The following S100Z variants were observed in gnomAD, a reference collection of about 807,000 sequenced individuals.
S100Z encodes the protein protein S100-Z.
S100Z carries 11 observed loss-of-function variants against 8.5 expected under a neutral mutation model. The ratio of observed to expected loss-of-function variants is 1.30; its 90% CI spans 0.82 to 2.15. The LOEUF (loss-of-function observed/expected upper bound fraction) is 2.15. Ranked by LOEUF, S100Z falls within the 30% of genes most tolerant of loss-of-function variation. The probability of loss-of-function intolerance (pLI) is 0.00; values close to 1 mark genes in which losing one functional copy is unlikely to be tolerated. For missense variants in S100Z, 126 were observed against 117.9 expected (o/e 1.07, Z -0.32); for synonymous variants, 34 against 43.8 (o/e 0.78, Z 0.89).
chr5:76,915,304 C>CAAA (rs60682268), intron 4 of S100Z, among the ~76,000 whole-genome samples: 1,092 of 103,560 alleles, frequency 0.011, 39 homozygotes, highest in African/African-American at 0.04. Flanking sequence ...GACTCCATCT[C>CAAA]AAAAAAAAAA....
At chr5:76,883,580 G>C (rs1743489724) in intron 4 of S100Z, among the ~76,000 whole-genome samples, 1 of 152,214 alleles carries the variant, frequency 6.6e-6, no homozygotes, top group Non-Finnish European at 1.5e-5. Flanking sequence ...ACCCTCCACT[G>C]TAAGAGTTAC....
chr5:76,859,854 A>G (rs1751004902), intron 1 of S100Z, among the ~76,000 whole-genome samples: 1 of 151,980 alleles, frequency 6.6e-6, no homozygotes. Context: ...CCATCTGTCT[A>G]GAATGATGCA....
intron 4 of S100Z, among the ~76,000 whole-genome samples, chr5:76,888,632 T>C (rs1009170442): frequency 6.6e-6 from 1 of 152,028 alleles, no homozygotes; most frequent in Non-Finnish European, 1.5e-5. Context: ...CATCTCGGCC[T>C]CCCAAAGTGC....
the S100Z span, among the ~76,000 whole-genome samples, chr5:76,930,349 C>A: frequency 5.6e-3 from 848 of 152,274 alleles, 4 homozygotes; most frequent in African/African-American, 0.019. Flanking sequence ...ATTGCACATC[C>A]AAATTGTACC....
chr5:76,862,480 T>A (rs767417052), intron 1 of S100Z, among the ~76,000 whole-genome samples: 31 of 152,040 alleles, frequency 2.0e-4, no homozygotes, highest in Non-Finnish European at 4.3e-4. Context: ...CTAGGAGTGT[T>A]ACAGAATTCT....
the S100Z span, among the ~76,000 whole-genome samples, chr5:76,933,901 C>G: frequency 6.6e-6 from 1 of 151,574 alleles, no homozygotes; most frequent in Non-Finnish European, 1.5e-5. Context: ...CCTTCTTCCC[C>G]CAACCACCTG....
intron 1 of S100Z, among the ~76,000 whole-genome samples, chr5:76,853,984 C>T (rs1750805763): frequency 6.6e-6 from 1 of 152,032 alleles, no homozygotes; most frequent in Admixed American, 6.6e-5. Context: ...CTTCCTCCTG[C>T]TCTGGCCATG....
intron 1 of S100Z, among the ~76,000 whole-genome samples, chr5:76,864,979 TTC>T (rs1241273384): frequency 6.6e-6 from 1 of 152,216 alleles, no homozygotes; most frequent in East Asian, 1.9e-4. Flanking sequence ...AGTGCTGGGA[TTC>T]CAGGCATGAG....
chr5:76,886,970 T>TG (rs1481850477), intron 4 of S100Z, among the ~76,000 whole-genome samples: 3 of 152,164 alleles, frequency 2.0e-5, no homozygotes, highest in Non-Finnish European at 2.9e-5. Context: ...GATGTATACG[T>TG]GCAGGTCACA....
intron 1 of S100Z, among the ~76,000 whole-genome samples, chr5:76,854,028 A>G (rs1750807156): frequency 6.6e-6 from 1 of 152,138 alleles, no homozygotes; most frequent in Non-Finnish European, 1.5e-5. Flanking sequence ...GCCTTCTGCC[A>G]TGATCGAAAG....
rs191931582 is a variant in S100Z at position 76,886,276 on chromosome 5, G to C, written c.*2+8442G>C. On this transcript the variant is annotated intron_variant, in intron 4 of 4. Coordinates refer to ENST00000317593, the MANE Select transcript of S100Z (RefSeq NM_130772.4). ...CTTCCCGAGTCTGTGACCTGCGCCG[G>C]AGTTTTGGGTCCACGGATAAAATGT... is the stretch of plus-strand genomic sequence containing the variant. 4.9e-3 allele frequency among the ~76,000 whole-genome samples: 746 copies of C among 152,328 alleles called. 2 individuals are homozygous for C. Among genetic ancestry groups the C allele is most frequent in the Middle Eastern group, 0.01 (3 of 294 alleles).
chr5:76,952,195 TA>T, the S100Z span, among the ~76,000 whole-genome samples: 2 of 152,210 alleles, frequency 1.3e-5, no homozygotes, highest in Non-Finnish European at 2.9e-5. Flanking sequence ...GGTGAGCAGT[TA>T]CAATAAAGCT....
At chr5:76,951,302 T>TGCATGCGTGCATGTGTGTGTGC in the S100Z span, among the ~76,000 whole-genome samples, 1 of 152,228 alleles carries the variant, frequency 6.6e-6, no homozygotes, top group African/African-American at 2.4e-5. Flanking sequence ...TCTGTGCACG[T>TGCATGCGTGCATGTGTGTGTGC]GCATGCGTGC....
At chr5:76,945,298 T>C in the S100Z span, among the ~76,000 whole-genome samples, 1,731 of 152,304 alleles carry the variant, frequency 0.011, 30 homozygotes, top group African/African-American at 0.039. Flanking sequence ...CAAGGTTTCT[T>C]CCCGTGTGAT....
At chr5:76,945,347 C>CCG in the S100Z span, among the ~76,000 whole-genome samples, 12 of 152,166 alleles carry the variant, frequency 7.9e-5, no homozygotes, top group Admixed American at 2.0e-4. Flanking sequence ...AAAGACCTGA[C>CCG]CGTCCCCCAG....
chr5:76,917,925 C>T (rs1038750925), intron 4 of S100Z, among the ~76,000 whole-genome samples: 8 of 151,772 alleles, frequency 5.3e-5, no homozygotes, highest in Admixed American at 5.2e-4. Flanking sequence ...TGTAGGTGGA[C>T]GTCTAGTTGG....
chr5:76,911,784 G>A (rs1350570533), intron 4 of S100Z, among the ~76,000 whole-genome samples: 1 of 152,184 alleles, frequency 6.6e-6, no homozygotes, highest in African/African-American at 2.4e-5. Context: ...ATCTTAGCCA[G>A]AGGTACCAGG....
chr5:76,856,701 G>A (rs1263760042), intron 1 of S100Z, among the ~76,000 whole-genome samples: 2 of 152,196 alleles, frequency 1.3e-5, no homozygotes, highest in Admixed American at 6.5e-5. Flanking sequence ...GCAATAGCTG[G>A]CTATGAAAAA....
At position 76,921,346 on chromosome 5, in the gene S100Z, C is replaced by T. The variant is rs1745031238; in HGVS notation, c.*632C>T. 1 of 152,050 alleles carries T rather than the reference C, an allele frequency of 6.6e-6. No homozygotes were observed. Among genetic ancestry groups the T allele is most frequent in the African/African-American group, 2.4e-5 (1 of 41,388 alleles). 9.4% of individuals were successfully genotyped at this position (152,050 alleles called of 1,614,324 possible). Reference sequence around the variant, plus strand: ...AATAATACTAAGGGAGCTTTTAAGTCAATACATCTGAATCTTGAATAAAAT... The same window carrying T: ...AATAATACTAAGGGAGCTTTTAAGTTAATACATCTGAATCTTGAATAAAAT... On this transcript the variant is annotated 3_prime_UTR_variant, in exon 5 of 5. Coordinates refer to ENST00000317593, the MANE Select transcript of S100Z (RefSeq NM_130772.4).
Sources: allele counts gnomAD v4.1 joint callset (sites outside exome capture counted in the v4.1 genomes callset), GRCh38; gene constraint gnomAD v4.1.1; transcripts MANE v1.5; gene names NCBI Gene and HGNC (gene_info 2026-07-23, HGNC 2026-07-21).